The following DNAJB6 variants were observed in gnomAD, a reference collection of about 807,000 sequenced individuals.
DNAJB6 encodes dnaJ homolog subfamily B member 6.
DNAJB6 carries 16 observed loss-of-function variants against 42.7 expected under a neutral mutation model. The ratio of observed to expected loss-of-function variants is 0.37; its 90% CI spans 0.25 to 0.57. DNAJB6 has a LOEUF of 0.57. Ranked by LOEUF, DNAJB6 falls within the 20% of genes least tolerant of loss-of-function variation. DNAJB6 has a pLI of 0.74. For synonymous variants in DNAJB6, 170 were observed against 163.5 expected, an observed-to-expected ratio of 1.04 and a Z score of -0.30; for missense variants, 347 against 416.8, an observed-to-expected ratio of 0.83 and a Z score of 1.46.
At chr7:157,377,941 C>G (rs1323317335) in intron 5 of DNAJB6, among the ~76,000 whole-genome samples, 2 of 152,144 alleles carry the variant, frequency 1.3e-5, no homozygotes, top group African/African-American at 4.8e-5. Flanking sequence ...AGCCCCTTGC[C>G]CAGCGCAGGT....
At chr7:157,392,404 G>A (rs915939460) in intron 8 of DNAJB6, among the ~76,000 whole-genome samples, 1 of 146,816 alleles carries the variant, frequency 6.8e-6, no homozygotes, top group African/African-American at 2.5e-5. Context: ...GTGACTTACT[G>A]TGTGGTAGTC....
At chr7:157,339,601 T>TTGTGTGTGTGTGTG (rs59577692) in intron 1 of DNAJB6, among the ~76,000 whole-genome samples, 21 of 122,430 alleles carry the variant, frequency 1.7e-4, no homozygotes, top group African/African-American at 5.9e-4. Context: ...GCCCGGCCTT[T>TTGTGTGTGTGTGTG]TGTGTGTGTG....
intron 8 of DNAJB6, among the ~76,000 whole-genome samples, chr7:157,399,377 C>T (rs1426708532): frequency 1.3e-5 from 2 of 152,342 alleles, no homozygotes; most frequent in East Asian, 1.9e-4. Flanking sequence ...CTGACCGCAT[C>T]AGGACATTTT....
intron 5 of DNAJB6, among the ~76,000 whole-genome samples, chr7:157,376,950 GC>G (rs1287705314): frequency 2.0e-5 from 3 of 152,156 alleles, no homozygotes; most frequent in Non-Finnish European, 4.4e-5. Flanking sequence ...AAGCAGGGGG[GC>G]TTCCAGACTG....
chr7:157,395,116 A>G (rs1017600423), intron 8 of DNAJB6, among the ~76,000 whole-genome samples: 17 of 151,578 alleles, frequency 1.1e-4, no homozygotes, highest in African/African-American at 4.1e-4. Flanking sequence ...CCACCTCCCA[A>G]AAAACCCCAG....
chr7:157,369,004 A>G (rs1799979815), intron 5 of DNAJB6: 2 of 349,690 alleles, frequency 5.7e-6, no homozygotes, highest in Non-Finnish European at 1.1e-5. Flanking sequence ...GGATTCAAAG[A>G]GGTTGTTCTT....
intron 5 of DNAJB6, among the ~76,000 whole-genome samples, chr7:157,374,322 T>A (rs1191609702): frequency 6.6e-6 from 1 of 152,120 alleles, no homozygotes; most frequent in Admixed American, 6.5e-5. Context: ...TGCAGTGGCG[T>A]GATCTCGGCT....
chr7:157,368,570 A>G (rs561076906), intron 5 of DNAJB6: 34 of 152,480 alleles, frequency 2.2e-4, no homozygotes, highest in African/African-American at 8.2e-4. Context: ...CATCAGTGGC[A>G]TCTCAGTCCT....
At chr7:157,410,274 G>A in intron 9 of DNAJB6, 1 of 655,428 alleles carries the variant, frequency 1.5e-6, no homozygotes, top group Non-Finnish European at 2.3e-6. Context: ...GAGCTGCCAC[G>A]GCAGTGCGAG....
chr7:157,393,559 G>A (rs889001083), intron 8 of DNAJB6, among the ~76,000 whole-genome samples: 1 of 152,162 alleles, frequency 6.6e-6, no homozygotes, highest in African/African-American at 2.4e-5. Context: ...TCCCGGCCCT[G>A]TGATCTTGAG....
chr7:157,337,692 G>A (rs1168749547), intron 1 of DNAJB6: 1 of 152,280 alleles, frequency 6.6e-6, no homozygotes, highest in Non-Finnish European at 1.5e-5. Flanking sequence ...TTGTGGAAGA[G>A]CAGGCTGCCT....
intron 6 of DNAJB6, among the ~76,000 whole-genome samples, chr7:157,383,024 A>G (rs1259835700): frequency 6.6e-6 from 1 of 152,104 alleles, no homozygotes; most frequent in Non-Finnish European, 1.5e-5. Context: ...TTTAAATTTA[A>G]AAAGAGTCTC....
chr7:157,413,766 A>G lies in DNAJB6; in HGVS notation c.899-2250A>G, dbSNP rs1796037716. ...TTGAGACAGTCTCGCTCTGTCGCCC[A>G]GGCTGGAGTGCAGTGGCGTGATCTC... On this transcript the variant is annotated intron_variant, in intron 9 of 9. Transcript: ENST00000262177. 3.1e-5 allele frequency: 4 copies of G among 127,056 alleles called. No homozygotes were observed. The South Asian group carries it at 7.1e-4, about 23-fold the overall frequency. 7.9% of individuals were successfully genotyped at this position (127,056 alleles called of 1,614,324 possible).
At chr7:157,365,308 T>C (rs1251380108) in intron 3 of DNAJB6, among the ~76,000 whole-genome samples, 1 of 152,276 alleles carries the variant, frequency 6.6e-6, no homozygotes, top group Admixed American at 6.5e-5. Flanking sequence ...CCAGTGCTTC[T>C]AATGTCATTG....
intron 8 of DNAJB6, among the ~76,000 whole-genome samples, chr7:157,408,692 C>T (rs899420921): frequency 2.0e-5 from 3 of 152,250 alleles, no homozygotes; most frequent in Non-Finnish European, 4.4e-5. Context: ...GCCTGGCACT[C>T]AGCACTGGAA....
rs1300369526 is a variant in DNAJB6, at chr7:157,385,952, T to C, written c.691+341T>C. The C allele has an allele frequency of 4.3e-6, 4 of 935,004 alleles. No individual in the cohort carries two copies. In the East Asian group the frequency reaches 2.2e-4, roughly 52 times the overall value. The allele number at this position is 935,004 out of a possible 1,614,324, so 57.9% of individuals were successfully genotyped here. A position where few individuals can be genotyped will look rare whatever the true frequency, so the allele number is the denominator to read the frequency against. On this transcript the variant is annotated intron_variant, in intron 8 of 9. Coordinates refer to ENST00000262177, the MANE Select transcript of DNAJB6 (RefSeq NM_058246.4). ...TTTAGTGTAGGACAAGATTGTACACTAACACCAGCATGGACCTGCTTTTCA... is the reference window on the plus strand; with the variant it reads ...TTTAGTGTAGGACAAGATTGTACACCAACACCAGCATGGACCTGCTTTTCA...
intron 1 of DNAJB6, among the ~76,000 whole-genome samples, chr7:157,342,223 A>G (rs547779366): frequency 6.6e-6 from 1 of 151,708 alleles, no homozygotes; most frequent in Non-Finnish European, 1.5e-5. Flanking sequence ...ACTGGAGTGC[A>G]GTGGCGTGAT....
chr7:157,357,920 T>C (rs1799391087), intron 1 of DNAJB6, among the ~76,000 whole-genome samples: 1 of 152,152 alleles, frequency 6.6e-6, no homozygotes, highest in African/African-American at 2.4e-5. Flanking sequence ...CAGGGCAATA[T>C]TGTATTTCTT....
intron 5 of DNAJB6, among the ~76,000 whole-genome samples, chr7:157,376,660 C>G (rs1347496615): frequency 2.6e-5 from 4 of 152,016 alleles, no homozygotes; most frequent in Non-Finnish European, 5.9e-5. Flanking sequence ...GCGGATGGAT[C>G]GCTTGAGGTC....
Sources: gnomAD v4.1 joint callset for allele counts (sites outside exome capture counted in the v4.1 genomes callset) on GRCh38, gnomAD v4.1.1 for gene constraint, MANE v1.5 for transcripts, NCBI Gene and HGNC (gene_info 2026-07-23, HGNC 2026-07-21) for gene names.